The following ZNF615 variants were observed in gnomAD, a reference collection of about 807,000 sequenced individuals.
The protein encoded by ZNF615 is zinc finger protein 615.
ZNF615 carries 15 observed loss-of-function variants against 15.3 expected under a neutral mutation model. That is an observed-to-expected ratio of 0.98 (90% CI 0.66 to 1.51). The LOEUF (loss-of-function observed/expected upper bound fraction) is 1.51. Ranked by LOEUF, ZNF615 falls within the 40% of genes most tolerant of loss-of-function variation. ZNF615 has a pLI of 0.00. For synonymous variants in ZNF615, 268 were observed against 294.6 expected (o/e 0.91, Z 0.92); for missense variants, 848 against 895.9 (o/e 0.95, Z 0.68).
At chr19:51,995,377 CA>C (rs2086387189) in intron 6 of ZNF615, among the ~76,000 whole-genome samples, 1 of 152,120 alleles carries the variant, frequency 6.6e-6, no homozygotes, top group African/African-American at 2.4e-5. Context: ...CAAATATAAA[CA>C]GGTCACTTTT....
At chr19:51,995,163 T>C (rs1334546497) in intron 6 of ZNF615, among the ~76,000 whole-genome samples, 2 of 152,156 alleles carry the variant, frequency 1.3e-5, no homozygotes, top group Non-Finnish European at 2.9e-5. Context: ...CTCTTACACA[T>C]TGGGAGAGAT....
chr19:51,997,964 T>C (rs2086489250), intron 6 of ZNF615, among the ~76,000 whole-genome samples: 1 of 124,712 alleles, frequency 8.0e-6, no homozygotes, highest in Admixed American at 8.0e-5. Flanking sequence ...CTTCTTTCTA[T>C]ACTTTTTATC....
rs1836002 is a variant in ZNF615, at chr19:51,995,269, G to A, written c.272-432C>T. ...TAAAACACAATAATATAAACACACC[G>A]AAAAGTAAAAGCAACTGTACAAACA... On this transcript the variant is annotated intron_variant, in intron 6 of 6. Transcript: ENST00000598071. 2.8e-4 allele frequency among the ~76,000 whole-genome samples: 42 copies of A among 152,036 alleles called. No individual in the cohort carries two copies. The East Asian group carries it at 4.4e-3, about 16-fold the overall frequency.
rs373311115 is a variant in ZNF615 at position 51,993,187 on chromosome 19, T to C, written c.1922A>G (p.Asp641Gly). The change falls in exon 7 of 7, where the codon GAT becomes GGT. Residue 641 changes from aspartate (D) to glycine (G), a missense_variant. Coordinates refer to ENST00000598071, the MANE Select transcript of ZNF615 (RefSeq NM_001199324.2). Reference protein sequence around the residue: ...GEKPYKCNECDKTFRKKTCLI... With the variant: ...GEKPYKCNECGKTFRKKTCLI... ...GCATGTCTTCTTCCTGAAGGTTTTA[T>C]CACATTCATTGCATTTGTATGGCTT... The C allele has an allele frequency of 6.2e-7, 1 of 1,614,250 alleles. No individual in the cohort carries two copies. Among genetic ancestry groups the C allele is most frequent in the Non-Finnish European group, 8.5e-7 (1 of 1,180,036 alleles).
rs2086319955 is a variant in ZNF615 at position 51,993,748 on chromosome 19, A to T, written c.1361T>A (p.Leu454His). Residue 454 changes from leucine to histidine, a missense_variant, in exon 7 of 7, where the codon CTC becomes CAC. Physicochemically the swap from Leu to His is moderately conservative, Grantham distance 99 (BLOSUM62 -3). Transcript: ENST00000598071. ...CGKGFALKSPLIRHQRTHTGE... is the reference protein window; with the variant it reads ...CGKGFALKSPHIRHQRTHTGE... ...AGTATGTGTTCGCTGATGTCTGATG[A>T]GTGGGCTCTTCAAAGCGAAGCCCTT... The T allele has an allele frequency of 6.2e-7, 1 of 1,613,930 alleles. No homozygotes were observed. Among genetic ancestry groups the T allele is most frequent in the South Asian group, 1.1e-5 (1 of 91,078 alleles).
intron 2 of ZNF615, 91 bp downstream of exon 2, chr19:52,007,202 G>A (rs1052201939): frequency 2.1e-5 from 14 of 669,086 alleles, no homozygotes; most frequent in Non-Finnish European, 3.2e-5. Context: ...TAATTTATCT[G>A]AATTATGAAT....
intron 6 of ZNF615, 29 bp downstream of exon 6, chr19:52,000,317 G>A: frequency 1.7e-6 from 1 of 602,730 alleles, no homozygotes; most frequent in Non-Finnish European, 3.0e-6. Context: ...TGAATCCTCG[G>A]CATCAGGCAA....
rs2086327831 is a variant in ZNF615, at chr19:51,993,855, T to C, written c.1254A>G (p.Lys418=). The part of the protein sequence containing the change: ...EKLYTCSECG[K]GFSMKHCLMV... Reference sequence around the variant, plus strand: ...TGAGACAGTGCTTCATTGAAAAGCCTTTTCCACATTCACTACATGTATATA... The same window carrying C: ...TGAGACAGTGCTTCATTGAAAAGCCCTTTCCACATTCACTACATGTATATA... The change falls in exon 7 of 7, where the codon AAA becomes AAG. Residue 418 remains lysine, a synonymous_variant. Transcript: ENST00000598071. 5.0e-6 allele frequency: 8 copies of C among 1,614,070 alleles called. No individual in the cohort carries two copies. Among genetic ancestry groups the C allele is most frequent in the Non-Finnish European group, 6.8e-6 (8 of 1,180,040 alleles).
chr19:51,999,905 A>C (rs761432270), intron 6 of ZNF615, among the ~76,000 whole-genome samples: 1 of 152,238 alleles, frequency 6.6e-6, no homozygotes, highest in Non-Finnish European at 1.5e-5. Context: ...ATGTGCAGTA[A>C]TGAAAGAGAC....
At chr19:51,996,660 T>G (rs2086450981) in intron 6 of ZNF615, among the ~76,000 whole-genome samples, 1 of 152,170 alleles carries the variant, frequency 6.6e-6, no homozygotes, top group African/African-American at 2.4e-5. Flanking sequence ...GAAAGAGTAC[T>G]GGATGAGACT....
intron 3 of ZNF615, 39 bp from the exon 4 acceptor site, chr19:52,002,320 T>C (rs1319881509): frequency 6.2e-7 from 1 of 1,613,026 alleles, no homozygotes; most frequent in Admixed American, 1.7e-5. Flanking sequence ...GTCATATTCT[T>C]TTGGTGATAG....
chr19:52,003,776 C>A lies in ZNF615; in HGVS notation c.-65G>T. On this transcript the variant is annotated 5_prime_UTR_variant, in exon 3 of 7. Transcript: ENST00000598071. The stretch of plus-strand genomic sequence containing the variant: ...TCTGTATTTGTCTCTTCTGAATCAG[C>A]TCTAAATTTCGGTTCAAAAACTTCA... 1 of 1,590,540 alleles carries A rather than the reference C, an allele frequency of 6.3e-7. No homozygotes were observed. Among genetic ancestry groups the A allele is most frequent in the Non-Finnish European group, 8.5e-7 (1 of 1,170,938 alleles).
intron 2 of ZNF615, among the ~76,000 whole-genome samples, chr19:52,005,996 C>T (rs12461226): frequency 0.42 from 63,350 of 151,944 alleles, 15,206 homozygotes; most frequent in African/African-American, 0.65. Context: ...TTCTTGGGAA[C>T]AATTTAACAT....
At chr19:52,004,427 A>C (rs2086690660) in intron 2 of ZNF615, 1 of 151,746 alleles carries the variant, frequency 6.6e-6, no homozygotes. Flanking sequence ...TCTGTTGCCC[A>C]GGCTGGAGTG....
At chr19:52,003,971 A>G in intron 2 of ZNF615, 71 bp from the exon 3 acceptor site, 1 of 1,118,274 alleles carries the variant, frequency 8.9e-7, no homozygotes, top group African/African-American at 1.6e-5. Flanking sequence ...CTATATGCTC[A>G]CCTTAAATCA....
chr19:51,994,685 C>G lies in ZNF615; in HGVS notation c.424G>C (p.Asp142His), dbSNP rs2086366180. The G allele has an allele frequency of 2.5e-6, 4 of 1,613,508 alleles. No homozygotes were observed. The Admixed American group carries it at 5.0e-5, about 20-fold the overall frequency. ...GATTTTAAAGGTTTTTCATGTAAGTCAAACGTATCACAATCTTGCTTCAGC... is the reference window on the plus strand; with the variant it reads ...GATTTTAAAGGTTTTTCATGTAAGTGAAACGTATCACAATCTTGCTTCAGC... ...FLLKQDCDTF[D>H]LHEKPLKSNL... The change falls in exon 7 of 7, where the codon GAC becomes CAC. Residue 142 changes from aspartate to histidine, a missense_variant. By Grantham distance (81) the Asp-to-His change is moderately conservative (BLOSUM62 -1). Coordinates refer to ENST00000598071, the MANE Select transcript of ZNF615 (RefSeq NM_001199324.2).
rs1357700086 is a variant in ZNF615, at chr19:52,008,147, G to A, written c.-234C>T. The stretch of plus-strand genomic sequence containing the variant: ...ACCCAGTGACTGAACTTACTTCCCA[G>A]AACTTGGTGGGCTCCGGCCTCATCT... On this transcript the variant is annotated 5_prime_UTR_variant, in exon 1 of 7. Coordinates refer to ENST00000598071, the MANE Select transcript of ZNF615 (RefSeq NM_001199324.2). The A allele has an allele frequency of 2.6e-6, 4 of 1,535,438 alleles. No homozygotes were observed. In the African/African-American group the frequency reaches 4.1e-5, roughly 16 times the overall value.
chr19:52,000,713 G>A (rs1359785930), intron 5 of ZNF615, among the ~76,000 whole-genome samples: 1 of 152,120 alleles, frequency 6.6e-6, no homozygotes, highest in Admixed American at 6.6e-5. Context: ...AGCACTTTGG[G>A]AGGCCAAGGC....
Position 52,007,318 on chromosome 19 carries a change from TGTC to T in ZNF615, c.-218_-216del, listed in dbSNP as rs2086781198. 7.8e-7 allele frequency: 1 copy of T among 1,288,976 alleles called. No individual in the cohort carries two copies. Among genetic ancestry groups the T allele is most frequent in the Non-Finnish European group, 1.0e-6 (1 of 988,480 alleles). The allele number at this position is 1,288,976 out of a possible 1,614,324, so 79.8% of individuals were successfully genotyped here. A position where few individuals can be genotyped will look rare whatever the true frequency, so the allele number is the denominator to read the frequency against. On this transcript the variant is annotated 5_prime_UTR_variant, in exon 2 of 7. Coordinates refer to ENST00000598071, the MANE Select transcript of ZNF615 (RefSeq NM_001199324.2). ...CATGGCAGAGATGTTATCTTACTTGTGTCAGAAAGAACCTGAAAAGAAATATCC... is the reference window on the plus strand; with the variant it reads ...CATGGCAGAGATGTTATCTTACTTGTAGAAAGAACCTGAAAAGAAATATCC...
Sources: gnomAD v4.1 joint callset for allele counts (sites outside exome capture counted in the v4.1 genomes callset) on GRCh38, gnomAD v4.1.1 for gene constraint, MANE v1.5 for transcripts, NCBI Gene and HGNC (gene_info 2026-07-23, HGNC 2026-07-21) for gene names.